DLG2: variants seen among roughly 807,000 people sequenced by gnomAD.
The protein encoded by DLG2 is discs large MAGUK scaffold protein 2, also known as disks large homolog 2.
DLG2 carries 45 observed loss-of-function variants against 132.5 expected under a neutral mutation model. The ratio of observed to expected loss-of-function variants is 0.34; its 90% CI spans 0.27 to 0.44. DLG2 has a LOEUF of 0.44. Among genes scored for constraint, DLG2 ranks in the 20% least tolerant of loss-of-function variants. The pLI, the probability that DLG2 is intolerant of heterozygous loss-of-function variation, is 1.00. For missense variants in DLG2, 1,045 were observed against 1,196.9 expected (o/e 0.87, Z 1.87); for synonymous variants, 424 against 419.6 (o/e 1.01, Z -0.13).
chr11:85,464,226 G>C (rs544587819), intron 3 of DLG2, among the ~76,000 whole-genome samples: 2 of 152,244 alleles, frequency 1.3e-5, no homozygotes, highest in East Asian at 3.9e-4. Context: ...GTAATCACCA[G>C]ATGGATTCTT....
chr11:85,467,151 A>G lies in DLG2; in HGVS notation c.40+131506T>C, dbSNP rs1346162304. ...TATAAGAATGCTTGTGATTTTTGCA[A>G]TTGATTTTGTATCCTGAGACTTTGC... On this transcript the variant is annotated intron_variant, in intron 3 of 27. Coordinates refer to ENST00000376104, the MANE Select transcript of DLG2 (RefSeq NM_001142699.3). Among the ~76,000 whole-genome samples, 10 of 151,922 alleles carry G rather than the reference A, an allele frequency of 6.6e-5. No individual in the cohort carries two copies. The East Asian group carries it at 1.9e-3, about 29-fold the overall frequency.
At chr11:83,625,552 G>A (rs992151462) in intron 19 of DLG2, among the ~76,000 whole-genome samples, 1 of 152,166 alleles carries the variant, frequency 6.6e-6, no homozygotes, top group African/African-American at 2.4e-5. Flanking sequence ...GCTCAAAGGC[G>A]AAGTGTCTAG....
At chr11:83,791,107 G>T in intron 17 of DLG2, 1 of 672,926 alleles carries the variant, frequency 1.5e-6, no homozygotes, top group South Asian at 1.8e-5. Flanking sequence ...GAGTGGCCTT[G>T]ACTCTCACCT....
intron 7 of DLG2, among the ~76,000 whole-genome samples, chr11:84,264,385 T>C (rs984245241): frequency 2.6e-5 from 4 of 152,176 alleles, no homozygotes; most frequent in African/African-American, 9.6e-5. Flanking sequence ...AATTATTCTA[T>C]AAAGCAAGGA....
rs867659274 is a variant in DLG2 at position 83,906,272 on chromosome 11, C to T, written c.1496+24056G>A. On this transcript the variant is annotated intron_variant, in intron 15 of 27. Transcript: ENST00000376104. ...TCTCTCTCTCTCACACACACACACA[C>T]ACACACACACACACACACACACACA... 3.1e-4 allele frequency among the ~76,000 whole-genome samples: 26 copies of T among 84,292 alleles called. 1 individual carries two copies. The East Asian group carries it at 7.2e-3, about 23-fold the overall frequency. The allele number at this position is 84,292 out of a possible 152,430, so 55.3% of individuals were successfully genotyped here.
chr11:84,363,782 G>T lies in DLG2; in HGVS notation c.520-112491C>A, dbSNP rs1331196653. ...TTAAATAGGGAATCCTTTCCCCATT[G>T]CTTGTTTTTCTCAGGTTTGTCAAAG... On this transcript the variant is annotated intron_variant, in intron 7 of 27. Coordinates refer to ENST00000376104, the MANE Select transcript of DLG2 (RefSeq NM_001142699.3). Among the ~76,000 whole-genome samples the T allele has an allele frequency of 1.3e-4, 19 of 151,568 alleles. 1 individual carries two copies. The highest frequency in any genetic ancestry group is 6.3e-4 in the South Asian group (3 of 4,794).
intron 7 of DLG2, among the ~76,000 whole-genome samples, chr11:84,420,677 T>TTTTA (rs2098946774): frequency 1.2e-5 from 1 of 85,218 alleles, no homozygotes; most frequent in Admixed American, 1.2e-4. Flanking sequence ...TTTTTTTTTT[T>TTTTA]TTTTTTTTTG....
intron 7 of DLG2, among the ~76,000 whole-genome samples, chr11:84,472,886 A>G (rs73525707): frequency 0.014 from 2,158 of 152,190 alleles, 54 homozygotes; most frequent in African/African-American, 0.05. Flanking sequence ...CAAATAAAAT[A>G]TTTATCATTA....
chr11:84,179,534 GA>G (rs1376694989), intron 8 of DLG2, among the ~76,000 whole-genome samples: 1 of 152,148 alleles, frequency 6.6e-6, no homozygotes, highest in Non-Finnish European at 1.5e-5. Flanking sequence ...ATGAACTCCA[GA>G]GGGAACAGTC....
In DLG2 at chr11:83,546,861, G is replaced by A. The variant is rs12576417; in HGVS notation, c.1941-5003C>T. Among the ~76,000 whole-genome samples, 66 of 152,200 alleles carry A rather than the reference G, an allele frequency of 4.3e-4. No individual in the cohort carries two copies. The East Asian group carries it at 0.011, about 25-fold the overall frequency. On this transcript the variant is annotated intron_variant, in intron 19 of 27. Coordinates refer to ENST00000376104, the MANE Select transcript of DLG2 (RefSeq NM_001142699.3). ...TCAATTCTCACAGCTATCCTGCAGTGCATATATTAGCCTTGTATTATAGAA... is the reference window on the plus strand; with the variant it reads ...TCAATTCTCACAGCTATCCTGCAGTACATATATTAGCCTTGTATTATAGAA...
intron 3 of DLG2, among the ~76,000 whole-genome samples, chr11:85,397,721 G>A (rs1413488683): frequency 5.3e-5 from 8 of 152,072 alleles, no homozygotes; most frequent in Admixed American, 3.9e-4. Flanking sequence ...TTCAGCAAGA[G>A]GAGTTAACAT....
chr11:85,581,673 C>T (rs2078534235), intron 3 of DLG2, among the ~76,000 whole-genome samples: 1 of 151,972 alleles, frequency 6.6e-6, no homozygotes, highest in Non-Finnish European at 1.5e-5. Flanking sequence ...CCTTCTCTTA[C>T]CTGCTAGGAC....
At chr11:85,099,244 C>T (rs557601812) in intron 6 of DLG2, among the ~76,000 whole-genome samples, 1 of 152,246 alleles carries the variant, frequency 6.6e-6, no homozygotes, top group East Asian at 1.9e-4. Flanking sequence ...ACAGACATGG[C>T]CTTGTGGAAC....
At chr11:84,989,902 T>C (rs1053492702) in intron 6 of DLG2, among the ~76,000 whole-genome samples, 28 of 152,292 alleles carry the variant, frequency 1.8e-4, no homozygotes, top group Admixed American at 1.6e-3. Context: ...AAGATAAGAC[T>C]TTTCTACAAA....
chr11:84,025,502 A>G (rs2095514752), intron 11 of DLG2, among the ~76,000 whole-genome samples: 1 of 152,132 alleles, frequency 6.6e-6, no homozygotes, highest in Non-Finnish European at 1.5e-5. Flanking sequence ...AATTAAGAAT[A>G]CTTGAATATG....
intron 15 of DLG2, among the ~76,000 whole-genome samples, chr11:83,917,509 T>A (rs2077108050): frequency 6.6e-6 from 1 of 152,190 alleles, no homozygotes; most frequent in Non-Finnish European, 1.5e-5. Context: ...ACATAATAGA[T>A]GGGTTGATGA....
At chr11:85,267,196 T>C (rs1223321725) in intron 4 of DLG2, among the ~76,000 whole-genome samples, 1 of 152,198 alleles carries the variant, frequency 6.6e-6, no homozygotes, top group Non-Finnish European at 1.5e-5. Context: ...TGAGAGGACT[T>C]ACTTTCTCCC....
At chr11:84,966,158 T>A (rs553322901) in intron 6 of DLG2, among the ~76,000 whole-genome samples, 3 of 152,148 alleles carry the variant, frequency 2.0e-5, no homozygotes, top group Admixed American at 6.6e-5. Context: ...AGCTTAAAGC[T>A]GGAAATGGTA....
chr11:84,666,833 C>T (rs2099700239), intron 6 of DLG2, among the ~76,000 whole-genome samples: 1 of 151,862 alleles, frequency 6.6e-6, no homozygotes, highest in African/African-American at 2.4e-5. Flanking sequence ...GGACAGATAA[C>T]CAAGAAACAC....
Sources: allele counts gnomAD v4.1 joint callset (sites outside exome capture counted in the v4.1 genomes callset), GRCh38; gene constraint gnomAD v4.1.1; transcripts MANE v1.5; gene names NCBI Gene and HGNC (gene_info 2026-07-23, HGNC 2026-07-21).